Variants in ARHGAP15 observed in about 807,000 individuals in gnomAD.
ARHGAP15 encodes rho GTPase-activating protein 15.
ARHGAP15 carries 51 observed loss-of-function variants against 63.7 expected under a neutral mutation model. That is an observed-to-expected ratio of 0.80 (90% confidence interval 0.64 to 1.01). ARHGAP15 has a LOEUF of 1.01. Ranked by LOEUF, ARHGAP15 falls within the 50% of genes least tolerant of loss-of-function variation. ARHGAP15 has a pLI of 0.00. For synonymous variants in ARHGAP15, 191 were observed against 193.8 expected (o/e 0.99, Z 0.12); for missense variants, 560 against 564.6 (o/e 0.99, Z 0.08).
At chr2:143,398,553 T>C (rs149588319) in intron 6 of ARHGAP15, among the ~76,000 whole-genome samples, 1 of 152,100 alleles carries the variant, frequency 6.6e-6, no homozygotes, top group African/African-American at 2.4e-5. Flanking sequence ...CACAGTGGAA[T>C]GGAAATAAGA....
chr2:143,654,134 A>G (rs940745196), intron 12 of ARHGAP15, among the ~76,000 whole-genome samples: 3 of 152,198 alleles, frequency 2.0e-5, no homozygotes, highest in Non-Finnish European at 4.4e-5. Context: ...ATGACCATCA[A>G]CAGTAGAGAA....
chr2:143,383,435 G>A (rs1687140454), intron 6 of ARHGAP15, among the ~76,000 whole-genome samples: 1 of 152,078 alleles, frequency 6.6e-6, no homozygotes, highest in African/African-American at 2.4e-5. Context: ...TTGTTTTAAT[G>A]TCAAAAGAAT....
At chr2:143,210,551 C>T (rs1692525044) in intron 3 of ARHGAP15, among the ~76,000 whole-genome samples, 1 of 151,982 alleles carries the variant, frequency 6.6e-6, no homozygotes. Context: ...TTTGCCAAAC[C>T]TAATATTTGA....
intron 6 of ARHGAP15, among the ~76,000 whole-genome samples, chr2:143,339,406 A>G (rs968608345): frequency 6.6e-6 from 1 of 152,154 alleles, no homozygotes; most frequent in African/African-American, 2.4e-5. Context: ...AGTCAGATAC[A>G]GGATACAGCA....
In ARHGAP15 at chr2:143,677,920, A is replaced by G. The variant is rs376993619; in HGVS notation, c.1139-25499A>G. Among the ~76,000 whole-genome samples, 169 of 152,314 alleles carry G rather than the reference A, an allele frequency of 1.1e-3. 1 individual carries two copies. Among genetic ancestry groups the G allele is most frequent in the African/African-American group, 3.9e-3 (162 of 41,574 alleles). Reference sequence around the variant, plus strand: ...AAGAGAGGCTTTCTTATGAAAATCCAAAAGAGGTCAGGTGCGGTAGCTCAT... The same window carrying G: ...AAGAGAGGCTTTCTTATGAAAATCCGAAAGAGGTCAGGTGCGGTAGCTCAT... On this transcript the variant is annotated intron_variant, in intron 12 of 13. Transcript: ENST00000295095.
At chr2:143,398,777 TTTTTTTTTTTG>T (rs1367450205) in intron 6 of ARHGAP15, among the ~76,000 whole-genome samples, 2 of 102 alleles carry the variant, frequency 0.02, no homozygotes, top group Non-Finnish European at 0.042. Context: ...AAAATCCTCA[TTTTTTTTTTTG>T]AAATGGTTTC....
At chr2:143,300,063 G>A (rs2030344620) in intron 6 of ARHGAP15, among the ~76,000 whole-genome samples, 1 of 151,974 alleles carries the variant, frequency 6.6e-6, no homozygotes, top group Non-Finnish European at 1.5e-5. Flanking sequence ...TGAAATATCT[G>A]GGATTATAAA....
chr2:143,762,680 C>T (rs985237756), intron 13 of ARHGAP15, among the ~76,000 whole-genome samples: 1 of 151,804 alleles, frequency 6.6e-6, no homozygotes, highest in African/African-American at 2.4e-5. Context: ...TTAGGGAGGA[C>T]ACAAGTTAAA....
At chr2:143,302,247 A>T (rs1388998475) in intron 6 of ARHGAP15, among the ~76,000 whole-genome samples, 1 of 151,970 alleles carries the variant, frequency 6.6e-6, no homozygotes, top group Non-Finnish European at 1.5e-5. Flanking sequence ...GTGTGATTCT[A>T]CATTTAAAAT....
intron 6 of ARHGAP15, among the ~76,000 whole-genome samples, chr2:143,396,619 T>G (rs918172151): frequency 1.3e-5 from 2 of 151,838 alleles, no homozygotes; most frequent in African/African-American, 2.4e-5. Context: ...ATTTAAGTTT[T>G]TTTTTTTTTT....
At chr2:143,449,745 G>C (rs771669621) in intron 8 of ARHGAP15, among the ~76,000 whole-genome samples, 1 of 151,922 alleles carries the variant, frequency 6.6e-6, no homozygotes, top group African/African-American at 2.4e-5. Flanking sequence ...CTCTTAGTAG[G>C]GTGAGATTTC....
At chr2:143,696,978 T>C (rs1380805316) in intron 12 of ARHGAP15, among the ~76,000 whole-genome samples, 2 of 152,202 alleles carry the variant, frequency 1.3e-5, no homozygotes, top group Non-Finnish European at 2.9e-5. Flanking sequence ...TTGCCTTCCT[T>C]TTAATTAAAT....
intron 10 of ARHGAP15, 138 bp from the exon 11 acceptor site, chr2:143,556,270 A>T: frequency 1.7e-6 from 1 of 581,370 alleles, no homozygotes. Context: ...AATTTTGAAG[A>T]TTGCATAATT....
At chr2:143,492,051 T>C (rs948976446) in intron 9 of ARHGAP15, among the ~76,000 whole-genome samples, 4 of 152,064 alleles carry the variant, frequency 2.6e-5, no homozygotes, top group African/African-American at 4.8e-5. Flanking sequence ...CCGGCTAATT[T>C]TTTGTATTTT....
chr2:143,291,439 T>C (rs1306837997), intron 6 of ARHGAP15, among the ~76,000 whole-genome samples: 2 of 68,266 alleles, frequency 2.9e-5, no homozygotes, highest in African/African-American at 1.4e-4. Context: ...CTCAGGCACA[T>C]ACATTTGTGT....
At chr2:143,561,040 T>C (rs1695998743) in intron 11 of ARHGAP15, among the ~76,000 whole-genome samples, 1 of 152,232 alleles carries the variant, frequency 6.6e-6, no homozygotes, top group Non-Finnish European at 1.5e-5. Context: ...CAGAATGATC[T>C]GTGACCTCCT....
At chr2:143,221,529 T>G (rs547992441) in intron 4 of ARHGAP15, among the ~76,000 whole-genome samples, 64 of 152,352 alleles carry the variant, frequency 4.2e-4, no homozygotes, top group African/African-American at 1.4e-3. Context: ...TAGGAATTTC[T>G]TCATTTGGGG....
chr2:143,724,835 T>C (rs936879043), intron 13 of ARHGAP15, among the ~76,000 whole-genome samples: 1 of 152,208 alleles, frequency 6.6e-6, no homozygotes, highest in African/African-American at 2.4e-5. Context: ...ATCAGCATTA[T>C]AAGAGTCTGA....
At chr2:143,506,092 G>T (rs1192484862) in intron 9 of ARHGAP15, among the ~76,000 whole-genome samples, 1 of 152,102 alleles carries the variant, frequency 6.6e-6, no homozygotes, top group South Asian at 2.1e-4. Flanking sequence ...CAAATAAATT[G>T]AAGTCGTACC....
Sources: allele counts gnomAD v4.1 joint callset (sites outside exome capture counted in the v4.1 genomes callset), GRCh38; gene constraint gnomAD v4.1.1; transcripts MANE v1.5; gene names NCBI Gene and HGNC (gene_info 2026-07-23, HGNC 2026-07-21).